Variants in ASXL3 observed in about 807,000 individuals in gnomAD.
ASXL3 encodes the protein putative Polycomb group protein ASXL3.
A neutral mutation model predicts 170.6 loss-of-function variants in ASXL3; 34 were observed. That is an observed-to-expected ratio of 0.20 (90% CI 0.15 to 0.27). The LOEUF (loss-of-function observed/expected upper bound fraction) is 0.27, where lower values mean the gene tolerates loss of function less well. Ranked by LOEUF, ASXL3 falls within the 10% of genes least tolerant of loss-of-function variation. ASXL3 has a pLI of 1.00. For missense variants in ASXL3, 2,592 were observed against 2,695.3 expected (o/e 0.96, Z 0.85); for synonymous variants, 1,002 against 989.1 (o/e 1.01, Z -0.24).
At chr18:33,652,721 T>C (rs1032092291) in intron 4 of ASXL3, among the ~76,000 whole-genome samples, 4 of 151,966 alleles carry the variant, frequency 2.6e-5, no homozygotes, top group Non-Finnish European at 4.4e-5. Context: ...ATGGCCAGTT[T>C]TATAAGTGGG....
chr18:33,592,689 A>C (rs1266215885), intron 1 of ASXL3, among the ~76,000 whole-genome samples: 1 of 152,188 alleles, frequency 6.6e-6, no homozygotes, highest in South Asian at 2.1e-4. Flanking sequence ...GTCAATCTTT[A>C]TAAGAAAAAC....
chr18:33,745,236 T>G lies in ASXL3; in HGVS notation c.5388T>G (p.Val1796=). The stretch of plus-strand genomic sequence containing the variant: ...GTAAAACAGCACCAGAGAGAAACGT[T>G]GAAATTCCGCCCAGCTCTCCAAATC... ...SVGKTAPERN[V]EIPPSSPNPD... is the part of the protein sequence containing the mutation. The change falls in exon 12 of 12, where the codon GTT becomes GTG. Residue 1796 remains valine, a synonymous_variant. Transcript: ENST00000269197. The G allele has an allele frequency of 6.2e-7, 1 of 1,613,958 alleles. No homozygotes were observed. Among genetic ancestry groups the G allele is most frequent in the South Asian group, 1.1e-5 (1 of 91,080 alleles).
intron 5 of ASXL3, among the ~76,000 whole-genome samples, chr18:33,669,986 A>G (rs2066314564): frequency 6.6e-6 from 1 of 152,176 alleles, no homozygotes; most frequent in East Asian, 1.9e-4. Flanking sequence ...AAGTGCTCCC[A>G]TTTGGACAGA....
rs2067631580 is a variant in ASXL3 at position 33,740,071 on chromosome 18, G to A, written c.2667G>A (p.Gly889=). ...SPLELSVFSE[G]TDNKGNELPS... is the part of the protein sequence containing the mutation. ...TGGAATTATCTGTCTTTTCTGAAGG[G>A]ACAGATAATAAGGGAAATGAGCTTC... Residue 889 remains glycine (G), a synonymous_variant, in exon 11 of 12, where the codon GGG becomes GGA. Coordinates refer to ENST00000269197, the MANE Select transcript of ASXL3 (RefSeq NM_030632.3). 6.2e-7 allele frequency: 1 copy of A among 1,613,836 alleles called. No homozygotes were observed. The highest frequency in any genetic ancestry group is 8.5e-7 in the Non-Finnish European group (1 of 1,179,892).
At chr18:33,687,641 CCAG>C (rs1396128623) in intron 8 of ASXL3, among the ~76,000 whole-genome samples, 1 of 152,074 alleles carries the variant, frequency 6.6e-6, no homozygotes, top group Non-Finnish European at 1.5e-5. Flanking sequence ...CTTGACAATG[CCAG>C]CTGTTAAGGC....
At chr18:33,731,312 T>C (rs1238522899) in intron 8 of ASXL3, among the ~76,000 whole-genome samples, 1 of 152,204 alleles carries the variant, frequency 6.6e-6, no homozygotes, top group African/African-American at 2.4e-5. Flanking sequence ...AGGAAATCTT[T>C]GAAGATCTAG....
chr18:33,732,154 C>G (rs2067460419), intron 9 of ASXL3, 90 bp downstream of exon 9: 2 of 970,856 alleles, frequency 2.1e-6, no homozygotes, highest in Admixed American at 5.1e-5. Flanking sequence ...CAGTCTTTTC[C>G]CCGACACAGT....
At chr18:33,616,130 G>T (rs1387986393) in intron 2 of ASXL3, among the ~76,000 whole-genome samples, 1 of 152,100 alleles carries the variant, frequency 6.6e-6, no homozygotes, top group Non-Finnish European at 1.5e-5. Flanking sequence ...TCTTGAGGAG[G>T]ATGATAAGAT....
rs137944061 is a variant in ASXL3 at position 33,660,432 on chromosome 18, T to A, written c.356-1184T>A. On this transcript the variant is annotated intron_variant, in intron 4 of 11. Transcript: ENST00000269197. ...TCTATCAGAAGCCACTTGAGTGTTC[T>A]CAAGGTGCATATGCCTGTGCTTCCT... Among the ~76,000 whole-genome samples, 728 of 152,266 alleles carry A rather than the reference T, an allele frequency of 4.8e-3. 4 individuals are homozygous for A. Among genetic ancestry groups the A allele is most frequent in the Admixed American group, 0.012 (185 of 15,276 alleles).
Position 33,673,202 on chromosome 18 carries a change from C to T in ASXL3, c.715+1336C>T, listed in dbSNP as rs553875716. On this transcript the variant is annotated intron_variant, in intron 7 of 11. Transcript: ENST00000269197. ...ATACACTAAGGAATTTAAACATCTGCGGCCTTTAGTTAAAAACAGCTACCA... is the reference window on the plus strand; with the variant it reads ...ATACACTAAGGAATTTAAACATCTGTGGCCTTTAGTTAAAAACAGCTACCA... 1.1e-4 allele frequency among the ~76,000 whole-genome samples: 17 copies of T among 152,182 alleles called. No individual in the cohort carries two copies. The South Asian group carries it at 1.7e-3, about 15-fold the overall frequency.
chr18:33,711,901 A>G (rs961415116), intron 8 of ASXL3, among the ~76,000 whole-genome samples: 2 of 152,186 alleles, frequency 1.3e-5, no homozygotes, highest in African/African-American at 4.8e-5. Context: ...ACATTCCTGC[A>G]GTTGCTGGAA....
intron 1 of ASXL3, among the ~76,000 whole-genome samples, chr18:33,597,511 A>G (rs527973159): frequency 2.0e-5 from 3 of 152,230 alleles, no homozygotes; most frequent in Admixed American, 1.3e-4. Context: ...ATAATGCTTC[A>G]TTGTACATGC....
At chr18:33,684,936 G>T (rs9964623) in intron 8 of ASXL3, among the ~76,000 whole-genome samples, 2,869 of 152,236 alleles carry the variant, frequency 0.019, 98 homozygotes, top group African/African-American at 0.066. Context: ...AAAATCAAAA[G>T]CTAATCTGGT....
At chr18:33,702,301 T>C (rs548071026) in intron 8 of ASXL3, among the ~76,000 whole-genome samples, 99 of 152,328 alleles carry the variant, frequency 6.5e-4, no homozygotes, top group African/African-American at 2.4e-3. Context: ...TCTTACTCTT[T>C]TTTTTTGCAA....
In ASXL3 at chr18:33,624,297, A is replaced by ATT. The variant is rs549737777; in HGVS notation, c.137+16632_137+16633dup. Among the ~76,000 whole-genome samples, 3 of 146,316 alleles carry ATT rather than the reference A, an allele frequency of 2.1e-5. No homozygotes were observed. In the South Asian group the frequency reaches 6.4e-4, roughly 31 times the overall value. ...ATTTGGATCTTATTTGTAACTCAGC[A>ATT]TTTTTTTTTTTTACTGTGAAGTTAA... On this transcript the variant is annotated intron_variant, in intron 2 of 11. Coordinates refer to ENST00000269197, the MANE Select transcript of ASXL3 (RefSeq NM_030632.3).
chr18:33,670,227 T>TA (rs760953073), intron 5 of ASXL3, among the ~76,000 whole-genome samples: 4 of 152,242 alleles, frequency 2.6e-5, no homozygotes, highest in Admixed American at 1.3e-4. Context: ...ATGCTGTACA[T>TA]ACTGATGACA....
intron 1 of ASXL3, among the ~76,000 whole-genome samples, chr18:33,579,261 TTTG>T (rs1345406375): frequency 6.6e-6 from 1 of 152,198 alleles, no homozygotes; most frequent in African/African-American, 2.4e-5. Flanking sequence ...ACGTGCATGT[TTTG>T]TGTGGCTCCA....
intron 10 of ASXL3, among the ~76,000 whole-genome samples, chr18:33,734,669 A>C (rs190118017): frequency 8.5e-5 from 13 of 152,278 alleles, no homozygotes; most frequent in Non-Finnish European, 1.8e-4. Context: ...ATGAAATCTT[A>C]AAGTAGTCAC....
At position 33,740,329 on chromosome 18, in the gene ASXL3, T is replaced by G. The variant is rs759202413; in HGVS notation, c.2925T>G (p.Cys975Trp). Residue 975 changes from cysteine to tryptophan, a missense_variant, in exon 11 of 12, where the codon TGT becomes TGG. Transcript: ENST00000269197. ...CAGAGCAACACAGCTTTGGAATCTG[T>G]AAGGAAAAGAGAGCTAGGATAGAAG... ...KTAEQHSFGICKEKRARIEDD... is the reference protein window; with the variant it reads ...KTAEQHSFGIWKEKRARIEDD... The G allele has an allele frequency of 1.2e-6, 2 of 1,611,202 alleles. No individual in the cohort carries two copies. The highest frequency in any genetic ancestry group is 1.7e-5 in the Admixed American group (1 of 59,512).
Sources: allele counts gnomAD v4.1 joint callset (sites outside exome capture counted in the v4.1 genomes callset), GRCh38; gene constraint gnomAD v4.1.1; transcripts MANE v1.5; gene names NCBI Gene and HGNC (gene_info 2026-07-23, HGNC 2026-07-21).